The following KAZN variants were observed in gnomAD, a reference collection of about 807,000 sequenced individuals.
KAZN encodes the protein kazrin.
A neutral mutation model predicts 87.4 loss-of-function variants in KAZN; 40 were observed. The ratio of observed to expected loss-of-function variants is 0.46; its 90% CI spans 0.36 to 0.60. The LOEUF is 0.60. Among genes scored for constraint, KAZN ranks in the 20% least tolerant of loss-of-function variants. KAZN has a pLI of 0.00. For missense variants in KAZN, 898 were observed against 1,073.9 expected, an observed-to-expected ratio of 0.84 and a Z score of 2.29; for synonymous variants, 466 against 458.3, an observed-to-expected ratio of 1.02 and a Z score of -0.22.
intron 8 of KAZN, among the ~76,000 whole-genome samples, chr1:15,092,052 G>GTTTT (rs1182724737): frequency 3.6e-5 from 3 of 82,644 alleles, no homozygotes; most frequent in Admixed American, 1.1e-4. Flanking sequence ...CAGAGGTTTT[G>GTTTT]TTTTTTTGTT....
chr1:14,081,101 TG>T (rs1234534762), intron 1 of KAZN, among the ~76,000 whole-genome samples: 1 of 150,202 alleles, frequency 6.7e-6, no homozygotes, highest in East Asian at 1.9e-4. Context: ...ACACACATGG[TG>T]TTGGTTTTTT....
intron 1 of KAZN, among the ~76,000 whole-genome samples, chr1:14,832,859 C>T (rs988358614): frequency 6.6e-6 from 1 of 152,130 alleles, no homozygotes; most frequent in South Asian, 2.1e-4. Flanking sequence ...ATGAAATTCA[C>T]GTTTCAGTGT....
intron 2 of KAZN, among the ~76,000 whole-genome samples, chr1:14,378,307 TAAAAG>T (rs1440852488): frequency 1.4e-5 from 2 of 138,018 alleles, no homozygotes; most frequent in Non-Finnish European, 3.4e-5. Context: ...GCTTATCCTT[TAAAAG>T]AAAAGTAAAC....
At chr1:14,855,767 G>T (rs1268660762) in intron 1 of KAZN, among the ~76,000 whole-genome samples, 1 of 152,192 alleles carries the variant, frequency 6.6e-6, no homozygotes, top group Admixed American at 6.5e-5. Context: ...GACAGAGCTT[G>T]CTCAAGTGCA....
chr1:14,608,000 C>T (rs1239483061), intron 1 of KAZN, among the ~76,000 whole-genome samples: 2 of 152,180 alleles, frequency 1.3e-5, no homozygotes, highest in African/African-American at 2.4e-5. Context: ...CAGATGAAGA[C>T]ATTGAAGCTT....
At chr1:13,929,343 A>T (rs2100928916) in intron 1 of KAZN, among the ~76,000 whole-genome samples, 1 of 152,298 alleles carries the variant, frequency 6.6e-6, no homozygotes, top group Non-Finnish European at 1.5e-5. Flanking sequence ...GCTGGCGGGC[A>T]TACCTTATAC....
chr1:15,112,219 A>G (rs977945632), intron 13 of KAZN: 8 of 578,872 alleles, frequency 1.4e-5, no homozygotes, highest in Admixed American at 3.0e-5. Flanking sequence ...CTGGGCTGGC[A>G]GTCCCAAGCC....
chr1:13,917,985 T>C (rs1198800845), intron 1 of KAZN, among the ~76,000 whole-genome samples: 1 of 152,162 alleles, frequency 6.6e-6, no homozygotes, highest in African/African-American at 2.4e-5. Flanking sequence ...TCATAGACAA[T>C]GCACCTGGTC....
intron 1 of KAZN, among the ~76,000 whole-genome samples, chr1:14,654,333 C>T (rs1638652307): frequency 6.7e-6 from 1 of 150,180 alleles, no homozygotes; most frequent in Admixed American, 6.6e-5. Context: ...CAGCAATGTA[C>T]TTGAACAGCA....
chr1:13,924,742 G>A (rs1570293205), intron 1 of KAZN, among the ~76,000 whole-genome samples: 1 of 152,146 alleles, frequency 6.6e-6, no homozygotes, highest in Non-Finnish European at 1.5e-5. Flanking sequence ...GACTGAACCA[G>A]TGTTCCTCTT....
intron 1 of KAZN, among the ~76,000 whole-genome samples, chr1:14,771,949 A>G (rs1000853974): frequency 6.6e-6 from 1 of 152,242 alleles, no homozygotes; most frequent in African/African-American, 2.4e-5. Context: ...TTTTGAAGAC[A>G]AAGATTCCAA....
chr1:14,709,497 CAGA>C (rs1642380124), intron 1 of KAZN, among the ~76,000 whole-genome samples: 1 of 152,106 alleles, frequency 6.6e-6, no homozygotes, highest in African/African-American at 2.4e-5. Flanking sequence ...AAGAACCTTC[CAGA>C]AAGACTAAAG....
At chr1:14,714,510 G>C (rs1439440117) in intron 1 of KAZN, among the ~76,000 whole-genome samples, 3 of 152,140 alleles carry the variant, frequency 2.0e-5, no homozygotes, top group East Asian at 1.9e-4. Flanking sequence ...AAGTCCACGT[G>C]GGGGCCCTGG....
chr1:14,699,866 G>A (rs1454015842), intron 1 of KAZN, among the ~76,000 whole-genome samples: 1 of 152,202 alleles, frequency 6.6e-6, no homozygotes, highest in Non-Finnish European at 1.5e-5. Context: ...ATCATGGGAA[G>A]AGATGTGCAC....
chr1:13,934,302 T>A (rs1640639880), intron 1 of KAZN, among the ~76,000 whole-genome samples: 1 of 152,012 alleles, frequency 6.6e-6, no homozygotes, highest in Non-Finnish European at 1.5e-5. Flanking sequence ...ACTGGGGGTG[T>A]GTGAAGAGCC....
chr1:14,331,159 C>A (rs1272808633), intron 2 of KAZN, among the ~76,000 whole-genome samples: 1 of 152,090 alleles, frequency 6.6e-6, no homozygotes, highest in Non-Finnish European at 1.5e-5. Context: ...TTTACCTCTG[C>A]TGTGGAAGTG....
chr1:14,043,068 C>T (rs1197655136), intron 1 of KAZN, among the ~76,000 whole-genome samples: 3 of 152,182 alleles, frequency 2.0e-5, no homozygotes, highest in Admixed American at 6.5e-5. Context: ...ACCAACTAAA[C>T]TCCTTCAATC....
chr1:14,327,507 T>A (rs1317808106), intron 2 of KAZN, among the ~76,000 whole-genome samples: 4 of 152,238 alleles, frequency 2.6e-5, no homozygotes, highest in Non-Finnish European at 5.9e-5. Flanking sequence ...AGCTAAGCTC[T>A]GTCTCTGCCC....
chr1:14,638,284 G>A (rs1189991199), intron 1 of KAZN, among the ~76,000 whole-genome samples: 1 of 152,132 alleles, frequency 6.6e-6, no homozygotes, highest in Non-Finnish European at 1.5e-5. Flanking sequence ...AAATAACTGG[G>A]GTGGTGGGGC....
Sources: gnomAD v4.1 joint callset for allele counts (sites outside exome capture counted in the v4.1 genomes callset) on GRCh38, gnomAD v4.1.1 for gene constraint, MANE v1.5 for transcripts, NCBI Gene and HGNC (gene_info 2026-07-23, HGNC 2026-07-21) for gene names.